SLC17A8: variants seen among roughly 807,000 people sequenced by gnomAD.
The protein encoded by SLC17A8 is vesicular glutamate transporter 3.
SLC17A8 carries 31 observed loss-of-function variants against 58.0 expected under a neutral mutation model. The observed-to-expected ratio is 0.53, with a 90% CI of 0.40 to 0.72. The LOEUF (loss-of-function observed/expected upper bound fraction) is 0.72. Among genes scored for constraint, SLC17A8 ranks in the 30% least tolerant of loss-of-function variants. SLC17A8 has a pLI of 0.00. For synonymous variants in SLC17A8, 228 were observed against 249.0 expected, an observed-to-expected ratio of 0.92 and a Z score of 0.79; for missense variants, 655 against 727.8, an observed-to-expected ratio of 0.90 and a Z score of 1.15.
chr12:100,378,192 G>C (rs1952608096), intron 1 of SLC17A8, among the ~76,000 whole-genome samples: 1 of 152,038 alleles, frequency 6.6e-6, no homozygotes, highest in Non-Finnish European at 1.5e-5. Context: ...GAGGTAAGAA[G>C]GAATCAGCTA....
At chr12:100,363,200 G>A (rs2135968701) in intron 1 of SLC17A8, among the ~76,000 whole-genome samples, 1 of 152,290 alleles carries the variant, frequency 6.6e-6, no homozygotes, top group South Asian at 2.1e-4. Flanking sequence ...ATTCTTCCTT[G>A]TGAATCGGGA....
At chr12:100,407,591 T>TTTG (rs1555327318) in intron 9 of SLC17A8, among the ~76,000 whole-genome samples, 14 of 134,048 alleles carry the variant, frequency 1.0e-4, no homozygotes, top group African/African-American at 2.3e-4. Context: ...TATATATTTT[T>TTTG]TTTGTTTGTT....
At position 100,404,164 on chromosome 12, in the gene SLC17A8, T is replaced by C. The variant is rs758711149; in HGVS notation, c.1180T>C (p.Cys394Arg). ...TTTAVRKIMN[C>R]GGFGMEATLL... ...AACTGCTGTCAGAAAAATCATGAAC[T>C]GTGGAGGTACTGTGGATTTCATAGA... The change falls in exon 9 of 12, where the codon TGT becomes CGT. Residue 394 changes from cysteine to arginine, a missense_variant. Cys to Arg is a radical substitution (Grantham distance 180, BLOSUM62 -3). Transcript: ENST00000323346. 3.1e-6 allele frequency: 5 copies of C among 1,614,092 alleles called. No individual in the cohort carries two copies. The highest frequency in any genetic ancestry group is 1.3e-5 in the African/African-American group (1 of 74,948).
intron 10 of SLC17A8, among the ~76,000 whole-genome samples, chr12:100,417,582 G>A (rs1393123245): frequency 1.3e-5 from 2 of 152,210 alleles, no homozygotes; most frequent in Non-Finnish European, 2.9e-5. Flanking sequence ...ATGTGGCCAT[G>A]TGGCCAATAA....
At chr12:100,386,909 G>A (rs759916121) in intron 2 of SLC17A8, among the ~76,000 whole-genome samples, 6 of 151,976 alleles carry the variant, frequency 3.9e-5, no homozygotes, top group Non-Finnish European at 5.9e-5. Context: ...GGCTGGTCTC[G>A]AACTCCTGAC....
chr12:100,362,048 G>A (rs1217200491), intron 1 of SLC17A8, among the ~76,000 whole-genome samples: 2 of 152,146 alleles, frequency 1.3e-5, no homozygotes, highest in Non-Finnish European at 2.9e-5. Context: ...GATCCAAAGG[G>A]GAAGGCTCTG....
chr12:100,403,967 G>A, intron 8 of SLC17A8, 71 bp from the exon 9 acceptor site: 1 of 1,582,522 alleles, frequency 6.3e-7, no homozygotes. Context: ...GAGTGGAGGT[G>A]GGCAAGGGAA....
intron 1 of SLC17A8, among the ~76,000 whole-genome samples, chr12:100,364,251 A>G (rs1443385322): frequency 6.6e-6 from 1 of 152,086 alleles, no homozygotes; most frequent in Non-Finnish European, 1.5e-5. Flanking sequence ...TCAGATAGTG[A>G]TGTTGGCTGA....
intron 5 of SLC17A8, among the ~76,000 whole-genome samples, chr12:100,397,141 A>G (rs1475269172): frequency 1.3e-5 from 2 of 152,152 alleles, no homozygotes; most frequent in African/African-American, 4.8e-5. Context: ...GTGAAGGGGA[A>G]GGGAGAAAGG....
At chr12:100,367,784 C>A (rs539512441) in intron 1 of SLC17A8, among the ~76,000 whole-genome samples, 1 of 152,314 alleles carries the variant, frequency 6.6e-6, no homozygotes, top group East Asian at 1.9e-4. Context: ...AACTCCTGGG[C>A]TCAAGCCATC....
intron 1 of SLC17A8, among the ~76,000 whole-genome samples, chr12:100,369,895 G>A (rs951567220): frequency 6.6e-6 from 1 of 152,170 alleles, no homozygotes; most frequent in Non-Finnish European, 1.5e-5. Context: ...AACAGTGCAA[G>A]TATAACGTTA....
chr12:100,399,453 C>T (rs755991820), intron 5 of SLC17A8, among the ~76,000 whole-genome samples: 1 of 152,094 alleles, frequency 6.6e-6, no homozygotes, highest in South Asian at 2.1e-4. Context: ...TAAAGAACCA[C>T]CTGAGACTGG....
At chr12:100,394,252 G>T (rs886341952) in intron 4 of SLC17A8, among the ~76,000 whole-genome samples, 1 of 152,092 alleles carries the variant, frequency 6.6e-6, no homozygotes, top group Non-Finnish European at 1.5e-5. Flanking sequence ...TCGCCAGTTT[G>T]TTATGCCCAT....
At chr12:100,403,826 A>T (rs180748408) in intron 8 of SLC17A8, among the ~76,000 whole-genome samples, 1 of 152,156 alleles carries the variant, frequency 6.6e-6, no homozygotes, top group African/African-American at 2.4e-5. Context: ...GGAGCTTCCA[A>T]TCTGGTAGAG....
intron 9 of SLC17A8, among the ~76,000 whole-genome samples, chr12:100,411,842 GTTTGT>G: frequency 9.2e-6 from 1 of 108,540 alleles, no homozygotes; most frequent in South Asian, 3.5e-4. Flanking sequence ...CTCATGTATT[GTTTGT>G]TTTTTTTTTT....
At chr12:100,394,438 G>C in intron 4 of SLC17A8, among the ~76,000 whole-genome samples, 1 of 116,718 alleles carries the variant, frequency 8.6e-6, no homozygotes, top group Admixed American at 1.2e-4. Context: ...GTCTCGCTCT[G>C]TAGCCCAGGC....
At chr12:100,397,772 T>C (rs867450692) in intron 5 of SLC17A8, among the ~76,000 whole-genome samples, 1 of 152,030 alleles carries the variant, frequency 6.6e-6, no homozygotes, top group East Asian at 1.9e-4. Flanking sequence ...TGAAACCCCA[T>C]CTCTACCAAA....
At chr12:100,400,843 A>T (rs980099080) in intron 5 of SLC17A8, among the ~76,000 whole-genome samples, 7 of 152,078 alleles carry the variant, frequency 4.6e-5, no homozygotes, top group Admixed American at 3.9e-4. Context: ...AGTCACAATT[A>T]TCTTGTCTAG....
chr12:100,394,576 T>C (rs1952739698), intron 4 of SLC17A8, among the ~76,000 whole-genome samples: 1 of 150,860 alleles, frequency 6.6e-6, no homozygotes, highest in Non-Finnish European at 1.5e-5. Context: ...TAATTTTTTG[T>C]ATTTTTAGTA....
Sources: gnomAD v4.1 joint callset for allele counts (sites outside exome capture counted in the v4.1 genomes callset) on GRCh38, gnomAD v4.1.1 for gene constraint, MANE v1.5 for transcripts, NCBI Gene and HGNC (gene_info 2026-07-23, HGNC 2026-07-21) for gene names.